PDSS2: variants seen among roughly 807,000 people sequenced by gnomAD.
The protein encoded by PDSS2 is all trans-polyprenyl-diphosphate synthase PDSS2.
A neutral mutation model predicts 44.5 loss-of-function variants in PDSS2; 31 were observed. That is an observed-to-expected ratio of 0.70 (90% confidence interval 0.52 to 0.94). The LOEUF is 0.94. PDSS2 is among the 40% of genes least tolerant of loss of function. PDSS2 has a pLI of 0.00. For missense variants in PDSS2, 452 were observed against 482.2 expected, an observed-to-expected ratio of 0.94 and a Z score of 0.59; for synonymous variants, 157 against 180.3, an observed-to-expected ratio of 0.87 and a Z score of 1.03.
At chr6:107,216,312 A>C (rs1773410596) in intron 4 of PDSS2, among the ~76,000 whole-genome samples, 1 of 151,816 alleles carries the variant, frequency 6.6e-6, no homozygotes, top group South Asian at 2.1e-4. Context: ...GTCTCTACTA[A>C]AAATACAAAA....
chr6:107,246,460 T>C (rs1474850105), intron 3 of PDSS2, among the ~76,000 whole-genome samples: 14 of 152,218 alleles, frequency 9.2e-5, no homozygotes, highest in Admixed American at 9.2e-4. Context: ...ATATCTTGTA[T>C]ATTTAACTTC....
chr6:107,212,309 A>G (rs746924908), intron 4 of PDSS2, 27 bp from the exon 5 acceptor site: 1 of 1,569,178 alleles, frequency 6.4e-7, no homozygotes, highest in South Asian at 1.1e-5. Flanking sequence ...AGCCAAGATA[A>G]AAAAGACTTT....
chr6:107,327,044 T>A (rs1481385794), intron 2 of PDSS2, among the ~76,000 whole-genome samples: 1 of 152,184 alleles, frequency 6.6e-6, no homozygotes, highest in African/African-American at 2.4e-5. Flanking sequence ...TTGATCTCTA[T>A]AGCAAACAGA....
At position 107,384,378 on chromosome 6, in the gene PDSS2, C is replaced by T. The variant is rs182904775; in HGVS notation, c.297-50046G>A. 4.2e-3 allele frequency among the ~76,000 whole-genome samples: 639 copies of T among 152,182 alleles called. 4 individuals carry two copies. The highest frequency in any genetic ancestry group is 0.014 in the African/African-American group (593 of 41,524). ...TAAACTGGCTGGGCGCGGTGGCTCACGCCTGTAATCCCAGCACTTTGGGAG... is the reference window on the plus strand; with the variant it reads ...TAAACTGGCTGGGCGCGGTGGCTCATGCCTGTAATCCCAGCACTTTGGGAG... On this transcript the variant is annotated intron_variant, in intron 1 of 7. Coordinates refer to ENST00000369037, the MANE Select transcript of PDSS2 (RefSeq NM_020381.4).
intron 1 of PDSS2, among the ~76,000 whole-genome samples, chr6:107,341,017 A>G (rs1778062663): frequency 6.6e-6 from 1 of 152,182 alleles, no homozygotes. Context: ...GGAGAAATGT[A>G]ATTAGAGCTA....
intron 7 of PDSS2, among the ~76,000 whole-genome samples, chr6:107,188,599 C>G (rs781707969): frequency 2.4e-4 from 37 of 152,094 alleles, no homozygotes; most frequent in Non-Finnish European, 4.4e-4. Flanking sequence ...CTCCAAATCT[C>G]ATGTTGAAAA....
chr6:107,226,032 G>C (rs1247948340), intron 4 of PDSS2, among the ~76,000 whole-genome samples: 1 of 152,230 alleles, frequency 6.6e-6, no homozygotes, highest in African/African-American at 2.4e-5. Flanking sequence ...ATTATAGCCA[G>C]GTGCAGTGGC....
In PDSS2 at chr6:107,441,866, C is replaced by T. The variant is rs752774763; in HGVS notation, c.296+17124G>A. ...CAGGGGTGGCCAACACTCAAGCAGG[C>T]TCAAACCTAGTACACCATTCACCCA... On this transcript the variant is annotated intron_variant, in intron 1 of 7. Transcript: ENST00000369037. 2.4e-4 allele frequency among the ~76,000 whole-genome samples: 37 copies of T among 152,286 alleles called. 1 individual carries two copies. Among genetic ancestry groups the T allele is most frequent in the Non-Finnish European group, 4.6e-4 (31 of 68,028 alleles).
At chr6:107,166,216 G>A (rs1409487949) in intron 7 of PDSS2, among the ~76,000 whole-genome samples, 2 of 152,078 alleles carry the variant, frequency 1.3e-5, no homozygotes, top group African/African-American at 4.8e-5. Context: ...AATAGGAGTG[G>A]TGAGAGAGGG....
chr6:107,323,738 C>T (rs371524343), intron 2 of PDSS2, among the ~76,000 whole-genome samples: 1 of 152,180 alleles, frequency 6.6e-6, no homozygotes. Flanking sequence ...AAATTAAGCA[C>T]TGTTTAAAAT....
intron 1 of PDSS2, among the ~76,000 whole-genome samples, chr6:107,337,904 G>A (rs1251169229): frequency 6.6e-6 from 1 of 152,106 alleles, no homozygotes; most frequent in Admixed American, 6.6e-5. Flanking sequence ...GTCAGGAAAA[G>A]AAGCTGTAAT....
At chr6:107,290,869 T>A (rs9373938) in intron 2 of PDSS2, among the ~76,000 whole-genome samples, 2 of 151,980 alleles carry the variant, frequency 1.3e-5, no homozygotes, top group African/African-American at 4.8e-5. Context: ...CTAGCTTTTT[T>A]CCCCCCACTT....
At chr6:107,405,016 T>C (rs1191429953) in intron 1 of PDSS2, among the ~76,000 whole-genome samples, 1 of 151,468 alleles carries the variant, frequency 6.6e-6, no homozygotes, top group Non-Finnish European at 1.5e-5. Flanking sequence ...AAGAAGAAAA[T>C]CCTAAAATCA....
chr6:107,338,249 C>T (rs1777967703), intron 1 of PDSS2, among the ~76,000 whole-genome samples: 1 of 152,172 alleles, frequency 6.6e-6, no homozygotes, highest in African/African-American at 2.4e-5. Context: ...TAGCACAGGT[C>T]ATATTTCATC....
intron 7 of PDSS2, among the ~76,000 whole-genome samples, chr6:107,190,249 C>A (rs921822119): frequency 1.3e-5 from 2 of 152,148 alleles, no homozygotes; most frequent in African/African-American, 4.8e-5. Context: ...ATCTTCTTAA[C>A]CCTGCTGATA....
intron 2 of PDSS2, among the ~76,000 whole-genome samples, chr6:107,279,806 A>C (rs1354214897): frequency 6.6e-6 from 1 of 152,192 alleles, no homozygotes; most frequent in East Asian, 1.9e-4. Flanking sequence ...CTGTGCTCTC[A>C]GATTCTAAGA....
Position 107,446,209 on chromosome 6 carries a change from G to A in PDSS2, c.296+12781C>T, listed in dbSNP as rs182843169. Among the ~76,000 whole-genome samples the A allele has an allele frequency of 2.6e-3, 399 of 152,068 alleles. 2 individuals are homozygous for A. Among genetic ancestry groups the A allele is most frequent in the Non-Finnish European group, 4.6e-3 (312 of 67,982 alleles). On this transcript the variant is annotated intron_variant, in intron 1 of 7. Transcript: ENST00000369037. ...TGCACACCTGTAGTCCCAGCTACTC[G>A]GGAGGCTGAGGCAGGAGAATTGCTT...
At chr6:107,364,360 G>A (rs1003097922) in intron 1 of PDSS2, among the ~76,000 whole-genome samples, 7 of 151,482 alleles carry the variant, frequency 4.6e-5, no homozygotes, top group African/African-American at 1.7e-4. Context: ...GCTCAGGCAT[G>A]GCGGGCTGCA....
chr6:107,329,175 T>C (rs996109180), intron 2 of PDSS2, among the ~76,000 whole-genome samples: 1 of 152,190 alleles, frequency 6.6e-6, no homozygotes, highest in Non-Finnish European at 1.5e-5. Context: ...TTTTTGATAA[T>C]AGCTAAGAAT....
Sources: gnomAD v4.1 joint callset for allele counts (sites outside exome capture counted in the v4.1 genomes callset) on GRCh38, gnomAD v4.1.1 for gene constraint, MANE v1.5 for transcripts, NCBI Gene and HGNC (gene_info 2026-07-23, HGNC 2026-07-21) for gene names.